The following MTRF1L variants were observed in gnomAD, a reference collection of about 807,000 sequenced individuals.
MTRF1L encodes the protein mitochondrial translation release factor 1 like.
In MTRF1L, 29 loss-of-function variants were observed where a neutral mutation model predicts 40.0. The observed-to-expected ratio is 0.73, with a 90% CI of 0.54 to 0.99. The LOEUF (loss-of-function observed/expected upper bound fraction) is 0.99, where lower values mean the gene tolerates loss of function less well. Among genes scored for constraint, MTRF1L ranks in the 50% least tolerant of loss-of-function variants. MTRF1L has a pLI of 0.00. For synonymous variants in MTRF1L, 150 were observed against 175.8 expected (o/e 0.85, Z 1.16); for missense variants, 412 against 464.5 (o/e 0.89, Z 1.04).
intron 4 of MTRF1L, 64 bp downstream of exon 4, chr6:152,994,449 T>A (rs1778637119): frequency 6.8e-7 from 1 of 1,463,978 alleles, no homozygotes; most frequent in Admixed American, 2.4e-5. Context: ...ACTCTGAATG[T>A]TAACTCTGGG....
At chr6:152,992,594 A>T (rs904425483) in intron 5 of MTRF1L, among the ~76,000 whole-genome samples, 6 of 152,080 alleles carry the variant, frequency 3.9e-5, no homozygotes, top group African/African-American at 1.4e-4. Flanking sequence ...AAAACTCAGA[A>T]CTCCACCTGA....
At chr6:152,998,773 A>G in intron 1 of MTRF1L, 144 bp from the exon 2 acceptor site, 1 of 430,312 alleles carries the variant, frequency 2.3e-6, no homozygotes. Flanking sequence ...ACCATTCAAT[A>G]AATGCCTTTC....
intron 1 of MTRF1L, among the ~76,000 whole-genome samples, chr6:153,000,186 A>G (rs955954200): frequency 6.6e-6 from 1 of 152,122 alleles, no homozygotes; most frequent in Admixed American, 6.5e-5. Flanking sequence ...GAGCTGGATA[A>G]TCTCTAAGGT....
intron 1 of MTRF1L, 78 bp downstream of exon 1, chr6:153,002,349 G>A: frequency 7.5e-6 from 12 of 1,605,066 alleles, no homozygotes; most frequent in Non-Finnish European, 9.4e-6. Context: ...TTCAAACTCG[G>A]GTAGTGTGGG....
At chr6:152,996,803 T>A (rs1778729534) in intron 2 of MTRF1L, among the ~76,000 whole-genome samples, 1 of 152,194 alleles carries the variant, frequency 6.6e-6, no homozygotes, top group South Asian at 2.1e-4. Context: ...AGGTCTGGTA[T>A]TCCAAATAGT....
At position 152,989,978 on chromosome 6, in the gene MTRF1L, A is replaced by C; in HGVS notation, c.1060T>G (p.Tyr354Asp). 5 of 1,613,750 alleles carry C rather than the reference A, an allele frequency of 3.1e-6. No individual in the cohort carries two copies. Among genetic ancestry groups the C allele is most frequent in the Non-Finnish European group, 3.4e-6 (4 of 1,179,826 alleles). ...HDLETFMQGDYLLDELVQSLK... is the reference protein window; with the variant it reads ...HDLETFMQGDDLLDELVQSLK... ...GACTGTACAAGTTCATCCAGTAGAT[A>C]ATCTCCTTGCATAAAAGTTTCAAGA... The change falls in exon 7 of 7, where the codon TAT becomes GAT. Residue 354 changes from tyrosine to aspartate, a missense_variant. Physicochemically the swap from Tyr to Asp is radical, Grantham distance 160. Coordinates refer to ENST00000367233, the MANE Select transcript of MTRF1L (RefSeq NM_019041.7).
At chr6:152,990,800 G>T (rs1778482840) in intron 6 of MTRF1L, among the ~76,000 whole-genome samples, 1 of 152,038 alleles carries the variant, frequency 6.6e-6, no homozygotes, top group African/African-American at 2.4e-5. Flanking sequence ...CTCCAGCCTG[G>T]GTGACAAGAG....
intron 5 of MTRF1L, among the ~76,000 whole-genome samples, chr6:152,992,460 T>A (rs1584095339): frequency 6.6e-6 from 1 of 151,090 alleles, no homozygotes; most frequent in East Asian, 1.9e-4. Context: ...TTTCATATCA[T>A]TTTTTTTTAA....
At chr6:152,999,029 C>T (rs535639849) in intron 1 of MTRF1L, among the ~76,000 whole-genome samples, 15 of 152,244 alleles carry the variant, frequency 9.9e-5, no homozygotes, top group African/African-American at 3.1e-4. Flanking sequence ...CAGAAGGTTA[C>T]ACCAGTAAAA....
In MTRF1L at chr6:152,989,980, TCTC is replaced by T. The variant is rs1778447053; in HGVS notation, c.1055_1057del (p.Gly352del). ...CTGTACAAGTTCATCCAGTAGATAATCTCCTTGCATAAAAGTTTCAAGATCATG... is the reference window on the plus strand; with the variant it reads ...CTGTACAAGTTCATCCAGTAGATAATCTTGCATAAAAGTTTCAAGATCATG... On this transcript the variant is annotated inframe_deletion, in exon 7 of 7. Coordinates refer to ENST00000367233, the MANE Select transcript of MTRF1L (RefSeq NM_019041.7). 2 of 1,613,642 alleles carry T rather than the reference TCTC, an allele frequency of 1.2e-6. No individual in the cohort carries two copies. Among genetic ancestry groups the T allele is most frequent in the African/African-American group, 1.3e-5 (1 of 74,874 alleles).
At position 152,997,181 on chromosome 6, in the gene MTRF1L, T is replaced by A. The variant is rs560479427; in HGVS notation, c.339+1369A>T. 2.1e-4 allele frequency among the ~76,000 whole-genome samples: 32 copies of A among 152,318 alleles called. No homozygotes were observed. The South Asian group carries it at 6.2e-3, about 30-fold the overall frequency. On this transcript the variant is annotated intron_variant, in intron 2 of 6. Coordinates refer to ENST00000367233, the MANE Select transcript of MTRF1L (RefSeq NM_019041.7). ...CATTTTAAGTAGAGACAAGATGATG[T>A]TGAAGAAGAAGTCCACAGTGGCAGA... is the stretch of plus-strand genomic sequence containing the variant.
chr6:152,993,631 T>G (rs971357969), intron 4 of MTRF1L, among the ~76,000 whole-genome samples: 1 of 152,184 alleles, frequency 6.6e-6, no homozygotes, highest in Non-Finnish European at 1.5e-5. Flanking sequence ...CTCCCTGTGT[T>G]GACTCCCTCT....
At chr6:152,999,755 A>G (rs955786822) in intron 1 of MTRF1L, among the ~76,000 whole-genome samples, 1 of 152,164 alleles carries the variant, frequency 6.6e-6, no homozygotes, top group Non-Finnish European at 1.5e-5. Flanking sequence ...GCCTTCCACC[A>G]TGATTGGGAG....
intron 1 of MTRF1L, among the ~76,000 whole-genome samples, chr6:153,000,986 A>C (rs1584108071): frequency 6.9e-6 from 1 of 144,170 alleles, no homozygotes; most frequent in African/African-American, 2.6e-5. Flanking sequence ...CGATTCTCCC[A>C]CCTCAGCCTC....
intron 1 of MTRF1L, among the ~76,000 whole-genome samples, chr6:152,998,900 A>T (rs1282577254): frequency 6.6e-6 from 1 of 152,168 alleles, no homozygotes; most frequent in Non-Finnish European, 1.5e-5. Context: ...AATATAAAGA[A>T]GCTAAACTCT....
At chr6:152,990,976 C>T (rs1397314072) in intron 6 of MTRF1L, among the ~76,000 whole-genome samples, 2 of 151,956 alleles carry the variant, frequency 1.3e-5, no homozygotes, top group Non-Finnish European at 1.5e-5. Flanking sequence ...TTTTTAGTAA[C>T]GGATTAAAAG....
intron 6 of MTRF1L, among the ~76,000 whole-genome samples, chr6:152,990,763 G>A (rs1033378335): frequency 4.6e-5 from 7 of 152,312 alleles, no homozygotes; most frequent in South Asian, 4.1e-4. Flanking sequence ...GGTGGAAGTC[G>A]CAGTGAGCTG....
rs1422243725 is a variant in MTRF1L at position 152,987,706 on chromosome 6, TTAAC to T, written c.*2185_*2188del. On this transcript the variant is annotated 3_prime_UTR_variant, in exon 7 of 7. Transcript: ENST00000367233. Reference sequence around the variant, plus strand: ...ACCATTAAAAACTAATGAATTTTGATTAACTAGTGCTTTAGGCCCTTTGAAATTA... The same window carrying T: ...ACCATTAAAAACTAATGAATTTTGATTAGTGCTTTAGGCCCTTTGAAATTA... 1 of 127,322 alleles carries T rather than the reference TTAAC, an allele frequency of 7.9e-6. No individual in the cohort carries two copies. The highest frequency in any genetic ancestry group is 3.1e-5 in the African/African-American group (1 of 32,458). 7.9% of individuals were successfully genotyped at this position (127,322 alleles called of 1,614,324 possible).
chr6:152,998,811 C>T, intron 1 of MTRF1L, 182 bp from the exon 2 acceptor site: 1 of 361,552 alleles, frequency 2.8e-6, no homozygotes, highest in Non-Finnish European at 4.9e-6. Flanking sequence ...TCAATTTCAC[C>T]ATTTTATACA....
Sources: gnomAD v4.1 joint callset for allele counts (sites outside exome capture counted in the v4.1 genomes callset) on GRCh38, gnomAD v4.1.1 for gene constraint, MANE v1.5 for transcripts, NCBI Gene and HGNC (gene_info 2026-07-23, HGNC 2026-07-21) for gene names.